PTGR1: variants seen among roughly 807,000 people sequenced by gnomAD.
The protein encoded by PTGR1 is prostaglandin reductase 1.
Under a neutral mutation model 37.7 loss-of-function variants are expected in PTGR1, and 23 were observed. The ratio of observed to expected loss-of-function variants is 0.61; its 90% CI spans 0.44 to 0.86. The LOEUF (loss-of-function observed/expected upper bound fraction) is 0.86, where lower values mean the gene tolerates loss of function less well. PTGR1 is among the 40% of genes least tolerant of loss of function. PTGR1 has a pLI of 0.00. For synonymous variants in PTGR1, 134 were observed against 140.0 expected (o/e 0.96, Z 0.30); for missense variants, 351 against 394.3 (o/e 0.89, Z 0.93).
chr9:111,576,288 A>G lies in PTGR1; in HGVS notation c.652-1446T>C. On this transcript the variant is annotated intron_variant, in intron 7 of 9. Coordinates refer to ENST00000407693, the MANE Select transcript of PTGR1 (RefSeq NM_001146108.2). ...CATTATTAGTGGATTTCATATTTGC[A>G]TATTGTAAACTACTTGCTAAAATTT... is the stretch of plus-strand genomic sequence containing the variant. 5 of 1,466,450 alleles carry G rather than the reference A, an allele frequency of 3.4e-6. No individual in the cohort carries two copies. In the African/African-American group the frequency reaches 4.2e-5, roughly 12 times the overall value. 90.8% of individuals were successfully genotyped at this position (1,466,450 alleles called of 1,614,324 possible).
chr9:111,596,995 A>C (rs966167629), intron 2 of PTGR1, among the ~76,000 whole-genome samples: 1 of 151,822 alleles, frequency 6.6e-6, no homozygotes, highest in Non-Finnish European at 1.5e-5. Flanking sequence ...GCTGCTCTAG[A>C]TCTATGGGGC....
At chr9:111,580,755 CA>C (rs79876761) in intron 6 of PTGR1, among the ~76,000 whole-genome samples, 332 of 115,536 alleles carry the variant, frequency 2.9e-3, no homozygotes, top group African/African-American at 6.3e-3. Flanking sequence ...AACTCCATCT[CA>C]AAAAAAAAAA....
chr9:111,587,730 G>A (rs1403796579), intron 4 of PTGR1, among the ~76,000 whole-genome samples: 2 of 152,180 alleles, frequency 1.3e-5, no homozygotes, highest in African/African-American at 4.8e-5. Context: ...GATTACAGGC[G>A]TGAGACACCG....
At chr9:111,578,502 G>A (rs772384074) in intron 7 of PTGR1, among the ~76,000 whole-genome samples, 4 of 152,120 alleles carry the variant, frequency 2.6e-5, no homozygotes, top group African/African-American at 4.8e-5. Flanking sequence ...CATAAGGAAC[G>A]CACAACCTAG....
At chr9:111,570,349 G>C (rs1339054511) in intron 8 of PTGR1, 140 bp from the exon 9 acceptor site, 5 of 1,375,062 alleles carry the variant, frequency 3.6e-6, no homozygotes, top group Non-Finnish European at 4.8e-6. Context: ...ACTCCTTTCT[G>C]ATCCACGGGA....
chr9:111,561,158 A>G (rs185442139), downstream of PTGR1, among the ~76,000 whole-genome samples: 2,169 of 108,792 alleles, frequency 0.02, 93 homozygotes, highest in East Asian at 0.061. Context: ...GGAGAGAGAG[A>G]GAGAGAGAGA....
At chr9:111,568,217 A>G (rs1828657253) in intron 9 of PTGR1, among the ~76,000 whole-genome samples, 1 of 152,178 alleles carries the variant, frequency 6.6e-6, no homozygotes, top group Admixed American at 6.5e-5. Context: ...TAGGGAAGAT[A>G]TTGCTAAATT....
chr9:111,580,566 A>C (rs1282241995), intron 6 of PTGR1, among the ~76,000 whole-genome samples: 1 of 151,946 alleles, frequency 6.6e-6, no homozygotes, highest in Admixed American at 6.6e-5. Context: ...GACCAGCCTG[A>C]CCAACACGGA....
At chr9:111,582,359 T>C (rs1283427472) in intron 6 of PTGR1, among the ~76,000 whole-genome samples, 6 of 152,222 alleles carry the variant, frequency 3.9e-5, no homozygotes, top group Non-Finnish European at 8.8e-5. Context: ...TTTAATAGGA[T>C]ATTTGAAATT....
At chr9:111,598,441 GC>G (rs1829848686) in intron 1 of PTGR1, among the ~76,000 whole-genome samples, 1 of 152,208 alleles carries the variant, frequency 6.6e-6, no homozygotes, top group African/African-American at 2.4e-5. Context: ...TTGCGAGGGA[GC>G]CAGGGGGGCG....
At chr9:111,589,315 C>T (rs954147887) in intron 4 of PTGR1, 3 of 763,526 alleles carry the variant, frequency 3.9e-6, no homozygotes, top group South Asian at 1.2e-4. Flanking sequence ...CTAAATAAAT[C>T]TGTAAGGTCA....
At chr9:111,560,335 G>A (rs1017183984), downstream of PTGR1, among the ~76,000 whole-genome samples, 3 of 151,804 alleles carry the variant, frequency 2.0e-5, no homozygotes, top group African/African-American at 4.8e-5. Flanking sequence ...TTAGCCAGGC[G>A]TGGTGGTGGG....
At chr9:111,561,110 T>TATATATATATATAGAG (rs1457364862), downstream of PTGR1, among the ~76,000 whole-genome samples, 2 of 19,198 alleles carry the variant, frequency 1.0e-4, 1 homozygote, top group Non-Finnish European at 1.7e-4. Context: ...TATATATATA[T>TATATATATATATAGAG]AGAGAGAGAG....
At chr9:111,568,383 T>C (rs1450172786) in intron 9 of PTGR1, among the ~76,000 whole-genome samples, 1 of 152,172 alleles carries the variant, frequency 6.6e-6, no homozygotes, top group Non-Finnish European at 1.5e-5. Context: ...TCAGGCTTAT[T>C]AGGGTGGGGG....
At chr9:111,561,982 C>A (rs1230510972), downstream of PTGR1, among the ~76,000 whole-genome samples, 1 of 150,204 alleles carries the variant, frequency 6.7e-6, no homozygotes, top group East Asian at 2.0e-4. Flanking sequence ...GCCTCCTGGG[C>A]TCAAGCGATT....
chr9:111,570,954 G>C (rs530651527), intron 8 of PTGR1, among the ~76,000 whole-genome samples: 67 of 152,062 alleles, frequency 4.4e-4, no homozygotes, highest in African/African-American at 1.5e-3. Context: ...GGAGGAGGAA[G>C]AGCCTATGCC....
intron 2 of PTGR1, among the ~76,000 whole-genome samples, chr9:111,596,542 G>C (rs890045608): frequency 4.6e-5 from 7 of 151,834 alleles, no homozygotes; most frequent in Non-Finnish European, 7.4e-5. Context: ...CCTGAAGTCA[G>C]GAGTTCGAGA....
chr9:111,586,793 CTCTCTCTCTCTA>C (rs1829442979), intron 4 of PTGR1, among the ~76,000 whole-genome samples: 1 of 147,138 alleles, frequency 6.8e-6, no homozygotes, highest in Non-Finnish European at 1.5e-5. Context: ...CTCTCTCTCT[CTCTCTCTCTCTA>C]TATATATATA....
At chr9:111,561,104 T>TAGAGAGAGAG (rs1465441902), downstream of PTGR1, among the ~76,000 whole-genome samples, 11 of 26,382 alleles carry the variant, frequency 4.2e-4, no homozygotes, top group Non-Finnish European at 6.9e-4. Flanking sequence ...TATATATATA[T>TAGAGAGAGAG]ATATATAGAG....
Sources: allele counts gnomAD v4.1 joint callset (sites outside exome capture counted in the v4.1 genomes callset), GRCh38; gene constraint gnomAD v4.1.1; transcripts MANE v1.5; gene names NCBI Gene and HGNC (gene_info 2026-07-23, HGNC 2026-07-21).